CDKN2B-AS1: variants seen among roughly 807,000 people sequenced by gnomAD.
CDKN2B-AS1 encodes CDKN2B antisense RNA 1 (non-protein coding).
intron 4 of CDKN2B-AS1, chr9:22,118,532 G>A (rs1234472635): frequency 6.6e-6 from 1 of 152,190 alleles, no homozygotes; most frequent in Non-Finnish European, 1.5e-5. Flanking sequence ...TTTATGGAGA[G>A]AGAAGAACCT....
chr9:21,997,383 C>T lies in CDKN2B-AS1; in HGVS notation n.29+2222C>T, dbSNP rs1820734497. ...ATGTGACTGTGGTTGACTGAAGCATCGTTATCCAGCACATGACTCTGTGTG... is the reference window on the plus strand; with the variant it reads ...ATGTGACTGTGGTTGACTGAAGCATTGTTATCCAGCACATGACTCTGTGTG... On this transcript the variant is annotated intron_variant and non_coding_transcript_variant, in intron 1 of 4. Coordinates refer to ENST00000650946, the Ensembl canonical transcript of CDKN2B-AS1. This position sits in a 1 kb window ranked among gnomAD's most constrained non-coding sequence, Gnocchi z 4.8. Among the ~76,000 whole-genome samples, 2 of 151,486 alleles carry T rather than the reference C, an allele frequency of 1.3e-5. No individual in the cohort carries two copies. Among genetic ancestry groups the T allele is most frequent in the Non-Finnish European group, 2.9e-5 (2 of 67,952 alleles).
At chr9:22,018,143 G>T (rs1038857975) in intron 1 of CDKN2B-AS1, among the ~76,000 whole-genome samples, 1 of 151,034 alleles carries the variant, frequency 6.6e-6, no homozygotes, top group Non-Finnish European at 1.5e-5. Flanking sequence ...GACCAACATG[G>T]TGAAACCATG....
intron 4 of CDKN2B-AS1, among the ~76,000 whole-genome samples, chr9:22,100,910 G>A (rs887013122): frequency 7.9e-5 from 12 of 152,084 alleles, no homozygotes; most frequent in Admixed American, 7.9e-4. Flanking sequence ...AATGATTTCG[G>A]ACATCTTTCA....
In CDKN2B-AS1 at chr9:22,039,999, T is replaced by C. The variant is rs528471985; in HGVS notation, n.30-6752T>C. Among the ~76,000 whole-genome samples, 9 of 152,078 alleles carry C rather than the reference T, an allele frequency of 5.9e-5. No homozygotes were observed. The East Asian group carries it at 1.7e-3, about 29-fold the overall frequency. On this transcript the variant is annotated intron_variant and non_coding_transcript_variant, in intron 1 of 4. Coordinates refer to ENST00000650946, the Ensembl canonical transcript of CDKN2B-AS1. The surrounding 1 kb of genome is among the most constrained non-coding windows in gnomAD (Gnocchi z 4.4). The stretch of plus-strand genomic sequence containing the variant: ...GAATGCTCTCTGAAGACTGGAGTTA[T>C]GCTGCTAAAAGTCACAAAATTAACA...
rs571585019 is a variant in CDKN2B-AS1 at position 21,997,296 on chromosome 9, A to C, written n.29+2135A>C. On this transcript the variant is annotated intron_variant and non_coding_transcript_variant, in intron 1 of 4. Transcript: ENST00000650946. The surrounding 1 kb of genome is among the most constrained non-coding windows in gnomAD (Gnocchi z 4.8). ...GTTGTGCTACAACTTTAGGACAGCT[A>C]TGACATCACTAGGGGATAGGAATTT... Among the ~76,000 whole-genome samples the C allele has an allele frequency of 6.6e-6, 1 of 152,208 alleles. No individual in the cohort carries two copies. The highest frequency in any genetic ancestry group is 1.5e-5 in the Non-Finnish European group (1 of 68,026).
At chr9:22,087,130 A>T (rs1824892522) in intron 4 of CDKN2B-AS1, among the ~76,000 whole-genome samples, 1 of 152,166 alleles carries the variant, frequency 6.6e-6, no homozygotes, top group Non-Finnish European at 1.5e-5. Context: ...TTTTCTTGGA[A>T]ATGTTTGATT....
chr9:22,036,056 G>A (rs78572337), intron 1 of CDKN2B-AS1, among the ~76,000 whole-genome samples: 2,352 of 152,070 alleles, frequency 0.015, 30 homozygotes, highest in Middle Eastern at 0.031. Flanking sequence ...CTTGAGCCCC[G>A]TTTTTCACCT....
intron 1 of CDKN2B-AS1, among the ~76,000 whole-genome samples, chr9:22,044,564 T>C (rs1310793548): frequency 1.3e-5 from 2 of 152,046 alleles, no homozygotes; most frequent in African/African-American, 4.8e-5. Context: ...TATTCTTTGG[T>C]GTGAAGTTCA....
chr9:22,006,364 G>T lies in CDKN2B-AS1; in HGVS notation n.29+11203G>T. 1 of 1,376,358 alleles carries T rather than the reference G, an allele frequency of 7.3e-7. No individual in the cohort carries two copies. Among genetic ancestry groups the T allele is most frequent in the Non-Finnish European group, 1.0e-6 (1 of 1,001,122 alleles). 85.3% of individuals were successfully genotyped at this position (1,376,358 alleles called of 1,614,324 possible). A position where few individuals can be genotyped will look rare whatever the true frequency, so the allele number is the denominator to read the frequency against. ...CACCTAATTGCAAAGTTTTCACCCA[G>T]TGCAGAGGTGTTCAGGTCTCTGATG... is the stretch of plus-strand genomic sequence containing the variant. On this transcript the variant is annotated intron_variant and non_coding_transcript_variant, in intron 1 of 4. Coordinates refer to ENST00000650946, the Ensembl canonical transcript of CDKN2B-AS1. This position sits in a 1 kb window ranked among gnomAD's most constrained non-coding sequence, Gnocchi z 6.4.
intron 3 of CDKN2B-AS1, chr9:22,049,238 A>G (rs1253874299): frequency 3.9e-5 from 6 of 152,172 alleles, no homozygotes; most frequent in Admixed American, 1.3e-4. Flanking sequence ...GGTAGGAGAT[A>G]TGAAACGACC....
At chr9:22,026,463 T>A (rs1822243149) in intron 1 of CDKN2B-AS1, among the ~76,000 whole-genome samples, 1 of 148,370 alleles carries the variant, frequency 6.7e-6, no homozygotes, top group Admixed American at 6.7e-5. Context: ...CCAAAGGCCA[T>A]AATGGCTAAG....
chr9:22,017,822 T>C (rs1310232286), intron 1 of CDKN2B-AS1, among the ~76,000 whole-genome samples: 1 of 152,210 alleles, frequency 6.6e-6, no homozygotes, highest in Non-Finnish European at 1.5e-5. Flanking sequence ...AAAGAGGTGT[T>C]GCATTAGTAA....
chr9:22,022,939 C>T (rs1481579967), intron 1 of CDKN2B-AS1, among the ~76,000 whole-genome samples: 1 of 152,172 alleles, frequency 6.6e-6, no homozygotes, highest in African/African-American at 2.4e-5. Context: ...TCTTTAAAAA[C>T]ATTGAATATT....
At chr9:22,059,455 G>T (rs1177729971) in intron 4 of CDKN2B-AS1, among the ~76,000 whole-genome samples, 3 of 152,180 alleles carry the variant, frequency 2.0e-5, no homozygotes, top group Non-Finnish European at 4.4e-5. Flanking sequence ...TTATGCTGAT[G>T]CAGGAGGTGG....
At chr9:22,109,972 C>G (rs1825762751) in intron 4 of CDKN2B-AS1, among the ~76,000 whole-genome samples, 1 of 152,086 alleles carries the variant, frequency 6.6e-6, no homozygotes, top group African/African-American at 2.4e-5. Flanking sequence ...TGTATTCTAG[C>G]CTTAACACTG....
intron 1 of CDKN2B-AS1, among the ~76,000 whole-genome samples, chr9:22,011,425 C>G (rs1181007648): frequency 6.6e-6 from 1 of 152,172 alleles, no homozygotes. Context: ...TCATAAAACT[C>G]CTCTGTGGCA....
At chr9:22,008,785 G>A (rs2131189753) in intron 1 of CDKN2B-AS1, 2 of 1,607,350 alleles carry the variant, frequency 1.2e-6, no homozygotes, top group Middle Eastern at 1.7e-4. Flanking sequence ...CGAGGCCCTG[G>A]GGCCCCAGCT....
chr9:22,061,253 A>G (rs1823807524), intron 4 of CDKN2B-AS1, among the ~76,000 whole-genome samples: 1 of 152,138 alleles, frequency 6.6e-6, no homozygotes, highest in Admixed American at 6.5e-5. Context: ...CATTTCTGGA[A>G]CTCTGAGAAC....
chr9:22,008,703 T>C (rs1190127826), intron 1 of CDKN2B-AS1: 1 of 1,611,410 alleles, frequency 6.2e-7, no homozygotes, highest in Admixed American at 1.7e-5. Context: ...CCTGTACAAA[T>C]CTACATCGGC....
Sources: gnomAD v4.1 joint callset for allele counts (sites outside exome capture counted in the v4.1 genomes callset) on GRCh38, gnomAD v4.1.1 for gene constraint, Gnocchi (gnomAD v3.1) non-coding constraint, MANE v1.5 for transcripts, NCBI Gene and HGNC (gene_info 2026-07-23, HGNC 2026-07-21) for gene names.